Variants in PCDH7 observed in about 807,000 individuals in gnomAD.
The protein encoded by PCDH7 is protocadherin-7.
In PCDH7, 17 loss-of-function variants were observed where a neutral mutation model predicts 58.9. That is an observed-to-expected ratio of 0.29 (90% CI 0.20 to 0.43). The LOEUF is 0.43. Among genes scored for constraint, PCDH7 ranks in the 20% least tolerant of loss-of-function variants. The pLI is 1.00. For synonymous variants in PCDH7, 664 were observed against 616.4 expected, an observed-to-expected ratio of 1.08 and a Z score of -1.14; for missense variants, 1,274 against 1,441.0, an observed-to-expected ratio of 0.88 and a Z score of 1.88.
chr4:30,963,906 T>C (rs1748723742), intron 3 of PCDH7, among the ~76,000 whole-genome samples: 1 of 152,234 alleles, frequency 6.6e-6, no homozygotes, highest in South Asian at 2.1e-4. Context: ...GCCATATTTT[T>C]ACATGGATGA....
intron 3 of PCDH7, among the ~76,000 whole-genome samples, chr4:30,983,337 A>G (rs916233976): frequency 6.6e-6 from 1 of 152,230 alleles, no homozygotes; most frequent in Non-Finnish European, 1.5e-5. Flanking sequence ...TATAATTACT[A>G]TGAGCCAAGG....
intron 1 of PCDH7, among the ~76,000 whole-genome samples, chr4:30,865,260 T>TA (rs1392779159): frequency 6.6e-6 from 1 of 152,092 alleles, no homozygotes; most frequent in Non-Finnish European, 1.5e-5. Flanking sequence ...GGTTTTATGT[T>TA]AAAAATTTGA....
intron 1 of PCDH7, among the ~76,000 whole-genome samples, chr4:30,788,288 T>TAA (rs1208114712): frequency 5.3e-5 from 8 of 152,090 alleles, no homozygotes; most frequent in Non-Finnish European, 8.8e-5. Flanking sequence ...GACTGACATG[T>TAA]TTTTGTGTAG....
In PCDH7 at chr4:30,935,315, T is replaced by G. The variant is rs1745211889; in HGVS notation, c.288-14805T>G. The G allele has an allele frequency of 6.1e-6, 6 of 977,394 alleles. No individual in the cohort carries two copies. The South Asian group carries it at 2.8e-4, about 46-fold the overall frequency. The allele number at this position is 977,394 out of a possible 1,614,324, so 60.5% of individuals were successfully genotyped here. ...ATGATTATTTTCTTACCTCCAGAAA[T>G]GTTTACTGGCCTCATATTTAGCTGT... On this transcript the variant is annotated intron_variant, in intron 2 of 3. Coordinates refer to the PCDH7 transcript ENST00000509759.
intron 3 of PCDH7, among the ~76,000 whole-genome samples, chr4:30,993,460 A>G (rs982082466): frequency 3.3e-5 from 5 of 152,230 alleles, no homozygotes; most frequent in African/African-American, 1.2e-4. Context: ...GCAAGATGCT[A>G]TGAAAATGAT....
At chr4:31,078,983 GAT>G (rs1759243588) in intron 3 of PCDH7, among the ~76,000 whole-genome samples, 1 of 151,732 alleles carries the variant, frequency 6.6e-6, no homozygotes, top group Non-Finnish European at 1.5e-5. Flanking sequence ...GACTCCAGTC[GAT>G]AAATGAATCT....
chr4:30,968,384 A>AGTGTG (rs1560541600), intron 3 of PCDH7, among the ~76,000 whole-genome samples: 9 of 51,444 alleles, frequency 1.7e-4, no homozygotes, highest in African/African-American at 1.2e-3. Flanking sequence ...CACTATATAT[A>AGTGTG]TATATATATA....
At chr4:30,838,233 G>A (rs28612929) in intron 1 of PCDH7, among the ~76,000 whole-genome samples, 1,809 of 152,054 alleles carry the variant, frequency 0.012, 34 homozygotes, top group African/African-American at 0.041. Context: ...CAGGCAAAAT[G>A]AAATGAAAAA....
chr4:31,101,245 T>C (rs59961157), intron 3 of PCDH7, among the ~76,000 whole-genome samples: 4 of 152,194 alleles, frequency 2.6e-5, no homozygotes, highest in Admixed American at 2.0e-4. Context: ...ATTTGAATTG[T>C]CAAAGGAAAT....
intron 3 of PCDH7, among the ~76,000 whole-genome samples, chr4:30,989,327 T>C (rs73111682): frequency 0.037 from 5,658 of 152,290 alleles, 323 homozygotes; most frequent in African/African-American, 0.13. Context: ...ATAGTACTTA[T>C]GAATGGTATC....
At chr4:31,126,743 A>G (rs1407353088) in intron 3 of PCDH7, among the ~76,000 whole-genome samples, 2 of 152,176 alleles carry the variant, frequency 1.3e-5, no homozygotes, top group Non-Finnish European at 2.9e-5. Flanking sequence ...AGTATTCACA[A>G]AGTACCACCA....
chr4:31,010,087 C>G (rs1303499349), intron 3 of PCDH7, among the ~76,000 whole-genome samples: 1 of 151,910 alleles, frequency 6.6e-6, no homozygotes, highest in Non-Finnish European at 1.5e-5. Context: ...AAACCTCAAA[C>G]TTGGAATACT....
At chr4:30,956,432 A>G (rs1434723200) in intron 3 of PCDH7, among the ~76,000 whole-genome samples, 3 of 152,212 alleles carry the variant, frequency 2.0e-5, no homozygotes, top group Non-Finnish European at 4.4e-5. Flanking sequence ...TTATATTATC[A>G]AAGCTGCTTT....
intron 3 of PCDH7, among the ~76,000 whole-genome samples, chr4:31,004,659 C>A (rs1752625589): frequency 6.6e-6 from 1 of 152,142 alleles, no homozygotes; most frequent in Admixed American, 6.5e-5. Flanking sequence ...GCACTCCAGC[C>A]TGGGCAACAG....
intron 3 of PCDH7, among the ~76,000 whole-genome samples, chr4:31,124,317 C>A (rs995595504): frequency 3.3e-5 from 5 of 152,076 alleles, no homozygotes; most frequent in Admixed American, 6.6e-5. Context: ...TCAGAACAAC[C>A]CAATGAGATA....
chr4:30,736,187 A>G (rs961309758), downstream of PCDH7, among the ~76,000 whole-genome samples: 10 of 152,202 alleles, frequency 6.6e-5, no homozygotes, highest in Non-Finnish European at 1.5e-4. Flanking sequence ...GAGGATAACA[A>G]AGGCCTGTTT....
intron 3 of PCDH7, among the ~76,000 whole-genome samples, chr4:31,010,735 C>A (rs573902686): frequency 1.3e-5 from 2 of 151,868 alleles, no homozygotes; most frequent in East Asian, 3.9e-4. Context: ...GTAATAGTTT[C>A]AAAAACAAGG....
Position 31,014,573 on chromosome 4 carries a change from A to G in PCDH7, c.*7+64358A>G, listed in dbSNP as rs182217883. Reference sequence around the variant, plus strand: ...GTAAGCCAGTTAGATAATCACACCTATATTTTGCAATTCCACATCGATTTT... The same window carrying G: ...GTAAGCCAGTTAGATAATCACACCTGTATTTTGCAATTCCACATCGATTTT... On this transcript the variant is annotated intron_variant, in intron 3 of 3. Coordinates refer to the PCDH7 transcript ENST00000509759. Among the ~76,000 whole-genome samples the G allele has an allele frequency of 3.7e-3, 563 of 152,270 alleles. 4 individuals are homozygous for G. The highest frequency in any genetic ancestry group is 0.03 in the South Asian group (147 of 4,824).
chr4:30,905,812 C>G lies in PCDH7; in HGVS notation c.71-14341C>G, dbSNP rs546076441. 1.9e-4 allele frequency among the ~76,000 whole-genome samples: 29 copies of G among 152,280 alleles called. 1 individual carries two copies. Among genetic ancestry groups the G allele is most frequent in the Admixed American group, 1.6e-3 (25 of 15,280 alleles). ...ATCCAGCTGTAGTCCAGCATGCTTT[C>G]TCTGTTCTATTTTACACCAGCCTTG... On this transcript the variant is annotated intron_variant, in intron 1 of 3. Transcript: ENST00000509759.
Sources: allele counts gnomAD v4.1 joint callset (sites outside exome capture counted in the v4.1 genomes callset), GRCh38; gene constraint gnomAD v4.1.1; transcripts MANE v1.5; gene names NCBI Gene and HGNC (gene_info 2026-07-23, HGNC 2026-07-21).